The following CCNJL variants were observed in gnomAD, a reference collection of about 807,000 sequenced individuals.
The protein encoded by CCNJL is cyclin J like, also known as cyclin-J-like protein.
A neutral mutation model predicts 33.4 loss-of-function variants in CCNJL; 33 were observed. The observed-to-expected ratio is 0.99, with a 90% confidence interval of 0.75 to 1.32. CCNJL has a LOEUF of 1.32. Among genes scored for constraint, CCNJL ranks in the 40% most tolerant of loss-of-function variants. The probability of loss-of-function intolerance (pLI) is 0.00; values close to 1 mark genes in which losing one functional copy is unlikely to be tolerated. For synonymous variants in CCNJL, 227 were observed against 220.9 expected (o/e 1.03, Z -0.24); for missense variants, 512 against 499.7 (o/e 1.02, Z -0.23).
At chr5:160,282,331 A>G (rs1417429485) in intron 2 of CCNJL, among the ~76,000 whole-genome samples, 1 of 148,826 alleles carries the variant, frequency 6.7e-6, no homozygotes, top group Non-Finnish European at 1.5e-5. Flanking sequence ...ATAGACATAA[A>G]CGTTAAGACT....
At position 160,255,538 on chromosome 5, in the gene CCNJL, G is replaced by A; in HGVS notation, c.743+11C>T. Reference sequence around the variant, plus strand: ...TATTTCAGAAACACAGGATTCAGGGGAGAAACTTACACCAGCAGGATTTCA... The same window carrying A: ...TATTTCAGAAACACAGGATTCAGGGAAGAAACTTACACCAGCAGGATTTCA... On this transcript the variant is annotated intron_variant, in intron 5 of 5. Transcript: ENST00000257536. 6.2e-7 allele frequency: 1 copy of A among 1,613,604 alleles called. No homozygotes were observed. Among genetic ancestry groups the A allele is most frequent in the Non-Finnish European group, 8.5e-7 (1 of 1,179,608 alleles).
chr5:160,277,439 G>C (rs977768624), intron 3 of CCNJL, among the ~76,000 whole-genome samples: 1 of 152,226 alleles, frequency 6.6e-6, no homozygotes, highest in African/African-American at 2.4e-5. Context: ...GACATTGCAG[G>C]AGGGGTGCTG....
At chr5:160,337,604 C>G (rs995136962) in intron 1 of CCNJL, among the ~76,000 whole-genome samples, 2 of 152,090 alleles carry the variant, frequency 1.3e-5, no homozygotes, top group Non-Finnish European at 2.9e-5. Flanking sequence ...TTGACTCCCA[C>G]CTTAGGGACG....
chr5:160,338,878 A>G (rs1195207913), intron 1 of CCNJL, among the ~76,000 whole-genome samples: 1 of 151,706 alleles, frequency 6.6e-6, no homozygotes, highest in East Asian at 1.9e-4. Context: ...TGCCACTTCT[A>G]CCTCCGGGTC....
intron 1 of CCNJL, chr5:160,326,936 G>A (rs1213809666): frequency 1.6e-6 from 1 of 636,694 alleles, no homozygotes; most frequent in Non-Finnish European, 3.0e-6. Flanking sequence ...ATGCTAAAAG[G>A]ACATAATATT....
At chr5:160,274,369 G>A (rs1484325015) in intron 3 of CCNJL, among the ~76,000 whole-genome samples, 1 of 151,958 alleles carries the variant, frequency 6.6e-6, no homozygotes, top group Non-Finnish European at 1.5e-5. Flanking sequence ...TGAAGCACGA[G>A]AATCACCTGA....
chr5:160,253,635 G>C lies in CCNJL; in HGVS notation c.907C>G (p.Gln303Glu), dbSNP rs1381076267. ...TTLAQFQTPV[Q>E]DLCLAYRDSL... is the part of the protein sequence containing the mutation. ...TCCCGATAGGCCAAGCATAGGTCCT[G>C]CACGGGGGTCTGGAACTGTGCCAGG... Residue 303 changes from glutamine to glutamate, a missense_variant, in exon 6 of 6, where the codon CAG (glutamine) becomes GAG (glutamate). Gln to Glu is a conservative substitution (Grantham distance 29). Transcript: ENST00000257536. The C allele has an allele frequency of 6.2e-7, 1 of 1,612,862 alleles. No homozygotes were observed. The highest frequency in any genetic ancestry group is 1.3e-5 in the African/African-American group (1 of 75,042).
At chr5:160,297,156 G>A (rs1428470846) in intron 2 of CCNJL, among the ~76,000 whole-genome samples, 4 of 152,196 alleles carry the variant, frequency 2.6e-5, no homozygotes, top group Admixed American at 2.6e-4. Flanking sequence ...GGTTTGATAT[G>A]ACTATATCTT....
At chr5:160,270,931 A>G (rs1397535059) in intron 3 of CCNJL, among the ~76,000 whole-genome samples, 1 of 152,296 alleles carries the variant, frequency 6.6e-6, no homozygotes, top group East Asian at 1.9e-4. Flanking sequence ...AGTACCTACA[A>G]GTCGGGAGGC....
chr5:160,291,694 G>A (rs566791393), intron 2 of CCNJL, among the ~76,000 whole-genome samples: 1 of 152,338 alleles, frequency 6.6e-6, no homozygotes, highest in Non-Finnish European at 1.5e-5. Flanking sequence ...GAGATTTACT[G>A]AAAAGCTTGC....
intron 1 of CCNJL, among the ~76,000 whole-genome samples, chr5:160,332,743 C>T (rs971464539): frequency 6.6e-6 from 1 of 152,202 alleles, no homozygotes; most frequent in Non-Finnish European, 1.5e-5. Flanking sequence ...TTCCCAGCCA[C>T]CTATTATAGT....
chr5:160,288,664 A>G (rs1762484301), intron 2 of CCNJL, among the ~76,000 whole-genome samples: 1 of 151,836 alleles, frequency 6.6e-6, no homozygotes, highest in African/African-American at 2.4e-5. Flanking sequence ...AGGTCAGGAG[A>G]TCGAGACCAT....
chr5:160,280,831 G>A, intron 2 of CCNJL, 93 bp from the exon 3 acceptor site: 1 of 855,168 alleles, frequency 1.2e-6, no homozygotes, highest in Non-Finnish European at 1.9e-6. Flanking sequence ...GCCTGAATGG[G>A]AGGCAACGAT....
intron 1 of CCNJL, among the ~76,000 whole-genome samples, chr5:160,323,005 C>T (rs1355803315): frequency 2.6e-5 from 4 of 151,528 alleles, no homozygotes; most frequent in East Asian, 1.9e-4. Flanking sequence ...GAGGCTGAGG[C>T]GGGTGGATCA....
Position 160,255,634 on chromosome 5 carries a change from G to C in CCNJL, c.658C>G (p.Leu220Val). ...CVGASRICLQ[L>V]SPYWTRDLQR... Reference sequence around the variant, plus strand: ...AGGTCTCTGGTCCAGTAGGGAGAAAGCTGCAGGCAAATCCTGGAGGCCCCA... The same window carrying C: ...AGGTCTCTGGTCCAGTAGGGAGAAACCTGCAGGCAAATCCTGGAGGCCCCA... Residue 220 changes from leucine (L) to valine (V), a missense_variant, in exon 5 of 6, where the codon CTT becomes GTT. Leu to Val is a conservative substitution (Grantham distance 32, BLOSUM62 1). Coordinates refer to ENST00000257536, the MANE Select transcript of CCNJL (RefSeq NM_001308173.3). 1 of 1,614,084 alleles carries C rather than the reference G, an allele frequency of 6.2e-7. No individual in the cohort carries two copies. Among genetic ancestry groups the C allele is most frequent in the Non-Finnish European group, 8.5e-7 (1 of 1,179,924 alleles).
At chr5:160,320,790 TTTC>T (rs1561812376) in intron 1 of CCNJL, among the ~76,000 whole-genome samples, 7 of 34,204 alleles carry the variant, frequency 2.0e-4, no homozygotes, top group African/African-American at 5.5e-4. Flanking sequence ...CTTTCTTTCC[TTTC>T]TTTCTTTCTT....
intron 3 of CCNJL, among the ~76,000 whole-genome samples, chr5:160,264,763 T>C (rs994833936): frequency 1.3e-5 from 2 of 152,106 alleles, no homozygotes; most frequent in Non-Finnish European, 2.9e-5. Flanking sequence ...CACATTCTAC[T>C]TTCTTTCTCT....
At position 160,312,086 on chromosome 5, in the gene CCNJL, C is replaced by T. The variant is rs567054909; in HGVS notation, c.-49-114G>A. 749 of 672,584 alleles carry T rather than the reference C, an allele frequency of 1.1e-3. 2 individuals carry two copies. The highest frequency in any genetic ancestry group is 2.4e-3 in the Admixed American group (103 of 42,354). The allele number at this position is 672,584 out of a possible 1,614,324, so 41.7% of individuals were successfully genotyped here. ...GCCCCGGCGGGCGCCCCCTCCTGCG[C>T]CGCTCAGAGGAGCTGGAGGTCGCCT... is the stretch of plus-strand genomic sequence containing the variant. On this transcript the variant is annotated intron_variant, in intron 1 of 5. Transcript: ENST00000257536.
At chr5:160,275,085 GTT>G (rs1554119622) in intron 3 of CCNJL, among the ~76,000 whole-genome samples, 8 of 113,010 alleles carry the variant, frequency 7.1e-5, no homozygotes, top group Non-Finnish European at 7.2e-5. Flanking sequence ...GGATTTGTGT[GTT>G]TTTTTTTTTT....
Sources: allele counts gnomAD v4.1 joint callset (sites outside exome capture counted in the v4.1 genomes callset), GRCh38; gene constraint gnomAD v4.1.1; transcripts MANE v1.5; gene names NCBI Gene and HGNC (gene_info 2026-07-23, HGNC 2026-07-21).